Variants in KANK1 observed in about 807,000 individuals in gnomAD.
The protein encoded by KANK1 is KN motif and ankyrin repeat domain-containing protein 1.
A neutral mutation model predicts 106.2 loss-of-function variants in KANK1; 109 were observed. The observed-to-expected ratio is 1.03, with a 90% CI of 0.88 to 1.20. KANK1 has a LOEUF of 1.20. Among genes scored for constraint, KANK1 ranks in the 50% most tolerant of loss-of-function variants. The pLI, the probability that KANK1 is intolerant of heterozygous loss-of-function variation, is 0.00. For missense variants in KANK1, 2,399 were observed against 1,710.7 expected, an observed-to-expected ratio of 1.40 and a Z score of -7.10; for synonymous variants, 873 against 652.2, an observed-to-expected ratio of 1.34 and a Z score of -5.16.
chr9:547,494 G>A (rs1047617234), intron 1 of KANK1, among the ~76,000 whole-genome samples: 1 of 143,550 alleles, frequency 7.0e-6, no homozygotes, highest in African/African-American at 2.4e-5. Flanking sequence ...GTTAAAAACA[G>A]GAAGTGTCTT....
chr9:662,263 A>G (rs1159729372), intron 1 of KANK1, among the ~76,000 whole-genome samples: 1 of 152,228 alleles, frequency 6.6e-6, no homozygotes, highest in Non-Finnish European at 1.5e-5. Context: ...AAGGTAATTT[A>G]TAGGTTCAGT....
intron 1 of KANK1, among the ~76,000 whole-genome samples, chr9:566,158 C>T (rs973821198): frequency 4.6e-5 from 7 of 152,176 alleles, no homozygotes; most frequent in African/African-American, 7.2e-5. Context: ...TGGGTGATGG[C>T]TTCCAGCTAT....
chr9:555,498 A>G (rs2061528473), intron 1 of KANK1, among the ~76,000 whole-genome samples: 1 of 152,252 alleles, frequency 6.6e-6, no homozygotes, highest in Non-Finnish European at 1.5e-5. Context: ...GGATTCAGAT[A>G]CCAATTAGGT....
rs1003581900 is a variant in KANK1 at position 745,813 on chromosome 9, G to C, written c.*578G>C. The C allele has an allele frequency of 1.3e-5, 2 of 152,550 alleles. No homozygotes were observed. Among genetic ancestry groups the C allele is most frequent in the Admixed American group, 1.3e-4 (2 of 15,278 alleles). 9.4% of individuals were successfully genotyped at this position (152,550 alleles called of 1,614,324 possible). ...GTAATATATGACTTTTTATAAAAAG[G>C]GTATCTATATGAACTTGACACAGTA... On this transcript the variant is annotated 3_prime_UTR_variant, in exon 12 of 12. Transcript: ENST00000382297.
chr9:672,884 C>T (rs1484438100), intron 1 of KANK1, among the ~76,000 whole-genome samples: 1 of 152,136 alleles, frequency 6.6e-6, no homozygotes, highest in African/African-American at 2.4e-5. Context: ...TAAATCGTTT[C>T]GCAGGAGTGG....
intron 11 of KANK1, chr9:744,907 G>C (rs1241984961): frequency 2.1e-6 from 3 of 1,418,044 alleles, no homozygotes; most frequent in Admixed American, 5.8e-5. Flanking sequence ...TTCTGGCATT[G>C]TTCCTGAAGC....
intron 2 of KANK1, among the ~76,000 whole-genome samples, chr9:472,194 G>T (rs993255967): frequency 2.2e-4 from 34 of 152,246 alleles, no homozygotes; most frequent in African/African-American, 8.2e-4. Context: ...CTCTGTAAGG[G>T]GCAGTTGTCT....
At chr9:735,839 C>G (rs1833654745) in intron 7 of KANK1, 2 of 344,480 alleles carry the variant, frequency 5.8e-6, no homozygotes, top group Admixed American at 2.9e-5. Flanking sequence ...ACTAAAAATA[C>G]AAAAAGTTAG....
chr9:635,422 G>A (rs570829199), intron 1 of KANK1, among the ~76,000 whole-genome samples: 2 of 152,210 alleles, frequency 1.3e-5, no homozygotes, highest in Admixed American at 1.3e-4. Context: ...ATTCCTTCAT[G>A]TGCTTCGTAG....
At chr9:695,383 T>C (rs79482250) in intron 2 of KANK1, among the ~76,000 whole-genome samples, 5,354 of 152,240 alleles carry the variant, frequency 0.035, 126 homozygotes, top group Middle Eastern at 0.071. Context: ...GTTTGTCTGC[T>C]TTTGCTTTTA....
At chr9:545,948 A>G (rs867322223) in intron 1 of KANK1, among the ~76,000 whole-genome samples, 28 of 151,974 alleles carry the variant, frequency 1.8e-4, no homozygotes, top group African/African-American at 3.4e-4. Context: ...GGGTTTTGCT[A>G]TGTTGGCCAG....
At chr9:594,655 GT>G (rs1185789804) in intron 1 of KANK1, among the ~76,000 whole-genome samples, 2 of 151,844 alleles carry the variant, frequency 1.3e-5, no homozygotes, top group Admixed American at 1.3e-4. Flanking sequence ...ATCCCTGAGT[GT>G]TTTTTTGATT....
rs181066912 is a variant in KANK1, at chr9:625,790, T to G, written c.-83-51100T>G. ...CCTGTGCTTTAAAAAGCTGAGCCCCTGAGTTTGTTGCACTGTGTACTTAAA... is the reference window on the plus strand; with the variant it reads ...CCTGTGCTTTAAAAAGCTGAGCCCCGGAGTTTGTTGCACTGTGTACTTAAA... On this transcript the variant is annotated intron_variant, in intron 1 of 11. Coordinates refer to ENST00000382297, the MANE Select transcript of KANK1 (RefSeq NM_015158.5). Among the ~76,000 whole-genome samples the G allele has an allele frequency of 2.0e-5, 3 of 152,306 alleles. No homozygotes were observed. In the East Asian group the frequency reaches 5.8e-4, roughly 29 times the overall value.
In KANK1 at chr9:504,718, G is replaced by C. The variant is rs571431092; in HGVS notation, c.-120G>C. 3 of 146,408 alleles carry C rather than the reference G, an allele frequency of 2.0e-5. No homozygotes were observed. The East Asian group carries it at 6.8e-4, about 33-fold the overall frequency. The allele number at this position is 146,408 out of a possible 1,614,324, so 9.1% of individuals were successfully genotyped here. On this transcript the variant is annotated 5_prime_UTR_variant, in exon 1 of 12. Transcript: ENST00000382297. ...CCGAGCTCCGGGTCCGCGGCGGAGC[G>C]AGCGAGCGGCCGGCAGGTTGGGAGG...
At chr9:507,705 G>A (rs1415800129) in intron 1 of KANK1, among the ~76,000 whole-genome samples, 5 of 151,852 alleles carry the variant, frequency 3.3e-5, no homozygotes, top group African/African-American at 9.7e-5. Flanking sequence ...TACAGGCACC[G>A]TGTCACCACA....
intron 7 of KANK1, among the ~76,000 whole-genome samples, chr9:737,960 G>T (rs554966781): frequency 6.6e-6 from 1 of 152,344 alleles, no homozygotes; most frequent in African/African-American, 2.4e-5. Context: ...TGAGGAAACG[G>T]AAGCAGAATA....
chr9:665,996 A>G (rs1204621178), intron 1 of KANK1, among the ~76,000 whole-genome samples: 1 of 152,148 alleles, frequency 6.6e-6, no homozygotes, highest in African/African-American at 2.4e-5. Context: ...CCTGGGCAGC[A>G]TAGTGTGACC....
intron 1 of KANK1, among the ~76,000 whole-genome samples, chr9:635,926 C>G (rs1194458942): frequency 6.6e-6 from 1 of 151,964 alleles, no homozygotes; most frequent in African/African-American, 2.4e-5. Context: ...CCACCTGCAT[C>G]AGCCTCCCAA....
At chr9:639,699 G>C (rs1446027557) in intron 1 of KANK1, among the ~76,000 whole-genome samples, 3 of 152,176 alleles carry the variant, frequency 2.0e-5, no homozygotes, top group South Asian at 2.1e-4. Context: ...CTCCGTCTTA[G>C]TCCATTCAGG....
Sources: gnomAD v4.1 joint callset for allele counts (sites outside exome capture counted in the v4.1 genomes callset) on GRCh38, gnomAD v4.1.1 for gene constraint, MANE v1.5 for transcripts, NCBI Gene and HGNC (gene_info 2026-07-23, HGNC 2026-07-21) for gene names.